NRG3: variants seen among roughly 807,000 people sequenced by gnomAD.
NRG3 encodes neuregulin 3, also known as pro-neuregulin-3, membrane-bound isoform.
Under a neutral mutation model 66.9 loss-of-function variants are expected in NRG3, and 31 were observed. The ratio of observed to expected loss-of-function variants is 0.46; its 90% CI spans 0.35 to 0.63. NRG3 has a LOEUF of 0.63. Ranked by LOEUF, NRG3 falls within the 20% of genes least tolerant of loss-of-function variation. NRG3 has a pLI of 0.00. For missense variants in NRG3, 910 were observed against 878.9 expected (o/e 1.04, Z -0.45); for synonymous variants, 393 against 359.4 (o/e 1.09, Z -1.06).
intron 1 of NRG3, among the ~76,000 whole-genome samples, chr10:82,009,958 G>T (rs57572654): frequency 0.025 from 3,848 of 152,280 alleles, 149 homozygotes; most frequent in African/African-American, 0.083. Context: ...TCATTACTCA[G>T]TGAAAGAAGT....
In NRG3 at chr10:81,901,994, G is replaced by A. The variant is rs201712981; in HGVS notation, c.823+25831G>A. ...TGTGAGTGTGTTCACTTTATAAGCAGGTAACTTCCTGCCTATATAAGGTAA... is the reference window on the plus strand; with the variant it reads ...TGTGAGTGTGTTCACTTTATAAGCAAGTAACTTCCTGCCTATATAAGGTAA... On this transcript the variant is annotated intron_variant, in intron 1 of 8. Transcript: ENST00000372141. Among the ~76,000 whole-genome samples, 15 of 152,248 alleles carry A rather than the reference G, an allele frequency of 9.9e-5. No individual in the cohort carries two copies. The East Asian group carries it at 1.4e-3, about 14-fold the overall frequency.
intron 2 of NRG3, among the ~76,000 whole-genome samples, chr10:82,535,902 CTT>C (rs34319022): frequency 0.015 from 1,990 of 132,936 alleles, 12 homozygotes; most frequent in East Asian, 0.031. Context: ...TTAAAGTAGT[CTT>C]TTTTTTTTTT....
chr10:82,913,241 A>G (rs1280485601), intron 4 of NRG3, among the ~76,000 whole-genome samples: 1 of 152,118 alleles, frequency 6.6e-6, no homozygotes, highest in African/African-American at 2.4e-5. Context: ...AAAAGAAAAA[A>G]AGTACTTCCA....
intron 1 of NRG3, among the ~76,000 whole-genome samples, chr10:82,155,133 G>A (rs921724720): frequency 2.0e-5 from 3 of 151,682 alleles, no homozygotes; most frequent in South Asian, 2.1e-4. Flanking sequence ...GATACAAAAC[G>A]ATTTTATAAA....
intron 4 of NRG3, among the ~76,000 whole-genome samples, chr10:82,910,554 T>A (rs934423664): frequency 2.0e-5 from 3 of 152,266 alleles, no homozygotes; most frequent in Admixed American, 6.5e-5. Context: ...CTTCTCTATC[T>A]GGTTTTACAA....
chr10:82,536,492 G>A (rs1198974259), intron 2 of NRG3, among the ~76,000 whole-genome samples: 2 of 152,116 alleles, frequency 1.3e-5, no homozygotes, highest in African/African-American at 4.8e-5. Context: ...TATATGTGGG[G>A]GATGGGGAAT....
At chr10:82,909,647 ATGT>A (rs544193744) in intron 4 of NRG3, among the ~76,000 whole-genome samples, 62 of 152,310 alleles carry the variant, frequency 4.1e-4, no homozygotes, top group African/African-American at 1.3e-3. Context: ...GTTCCTAATG[ATGT>A]TCCACATGAG....
chr10:82,651,518 A>C (rs1448194419), intron 2 of NRG3, among the ~76,000 whole-genome samples: 1 of 152,210 alleles, frequency 6.6e-6, no homozygotes. Flanking sequence ...AAGGACACTC[A>C]AGCTGTCCTG....
chr10:82,840,935 C>G (rs561042657), intron 3 of NRG3, among the ~76,000 whole-genome samples: 1 of 152,046 alleles, frequency 6.6e-6, no homozygotes, highest in Non-Finnish European at 1.5e-5. Context: ...AAGTCTTAAG[C>G]CCTAGTACCT....
At chr10:82,583,189 G>A (rs988373180) in intron 2 of NRG3, among the ~76,000 whole-genome samples, 2 of 152,134 alleles carry the variant, frequency 1.3e-5, no homozygotes, top group African/African-American at 4.8e-5. Context: ...GCACATGATT[G>A]AACATTAGAA....
chr10:82,890,200 T>C, intron 4 of NRG3, among the ~76,000 whole-genome samples: 1 of 151,560 alleles, frequency 6.6e-6, no homozygotes, highest in East Asian at 1.9e-4. Flanking sequence ...TTTTCTAAAA[T>C]TGTGAACATA....
chr10:82,101,511 C>T (rs1480322951), intron 1 of NRG3, among the ~76,000 whole-genome samples: 1 of 151,792 alleles, frequency 6.6e-6, no homozygotes, highest in Non-Finnish European at 1.5e-5. Context: ...AGCTGTCCCA[C>T]ATATCCTGAT....
chr10:82,142,429 T>C (rs1428100005), intron 1 of NRG3, among the ~76,000 whole-genome samples: 1 of 152,094 alleles, frequency 6.6e-6, no homozygotes, highest in Non-Finnish European at 1.5e-5. Context: ...AAAATGTGGT[T>C]GTGAAACCCA....
intron 1 of NRG3, among the ~76,000 whole-genome samples, chr10:81,944,313 C>T (rs1047454602): frequency 2.6e-5 from 4 of 152,144 alleles, no homozygotes; most frequent in Admixed American, 6.6e-5. Context: ...GATATACCAA[C>T]GATAAACTAA....
At chr10:82,660,230 A>AAAAAAAAAAAAAAAAG (rs2052239503) in intron 2 of NRG3, among the ~76,000 whole-genome samples, 1 of 143,602 alleles carries the variant, frequency 7.0e-6, no homozygotes, top group Non-Finnish European at 1.5e-5. Flanking sequence ...AAAAAAAAAA[A>AAAAAAAAAAAAAAAAG]AAAAACTGGA....
intron 2 of NRG3, among the ~76,000 whole-genome samples, chr10:82,388,092 A>G (rs2086122483): frequency 6.6e-6 from 1 of 152,186 alleles, no homozygotes; most frequent in South Asian, 2.1e-4. Flanking sequence ...CATATATCCT[A>G]GTATCATAAA....
chr10:82,915,556 A>C (rs1231527317), intron 4 of NRG3, among the ~76,000 whole-genome samples: 1 of 152,198 alleles, frequency 6.6e-6, no homozygotes, highest in East Asian at 1.9e-4. Flanking sequence ...ATATTCCCTT[A>C]AGAATTTAAA....
At chr10:82,430,994 A>G (rs2089769248) in intron 2 of NRG3, among the ~76,000 whole-genome samples, 1 of 152,156 alleles carries the variant, frequency 6.6e-6, no homozygotes, top group African/African-American at 2.4e-5. Flanking sequence ...CTTTTAATGC[A>G]ACTTTCTAGA....
intron 3 of NRG3, among the ~76,000 whole-genome samples, chr10:82,823,833 A>G (rs1429782955): frequency 1.3e-5 from 2 of 152,032 alleles, no homozygotes; most frequent in Admixed American, 6.6e-5. Flanking sequence ...TCTTTTTTTT[A>G]ATTGACGTAT....
Sources: gnomAD v4.1 joint callset for allele counts (sites outside exome capture counted in the v4.1 genomes callset) on GRCh38, gnomAD v4.1.1 for gene constraint, MANE v1.5 for transcripts, NCBI Gene and HGNC (gene_info 2026-07-23, HGNC 2026-07-21) for gene names.